The following SH3BP2 variants were observed in gnomAD, a reference collection of about 807,000 sequenced individuals.
SH3BP2 encodes SH3 domain-binding protein 2.
SH3BP2 carries 38 observed loss-of-function variants against 56.2 expected under a neutral mutation model. That is an observed-to-expected ratio of 0.68 (90% CI 0.52 to 0.89). The LOEUF (loss-of-function observed/expected upper bound fraction) is 0.89, where lower values mean the gene tolerates loss of function less well. Ranked by LOEUF, SH3BP2 falls within the 40% of genes least tolerant of loss-of-function variation. SH3BP2 has a pLI of 0.00. For missense variants in SH3BP2, 748 were observed against 762.6 expected (o/e 0.98, Z 0.23); for synonymous variants, 346 against 316.7 (o/e 1.09, Z -0.98).
intron 1 of SH3BP2, among the ~76,000 whole-genome samples, chr4:2,794,494 G>A (rs1489841698): frequency 6.6e-6 from 1 of 152,210 alleles, no homozygotes; most frequent in Non-Finnish European, 1.5e-5. Flanking sequence ...GGGCTGCAAG[G>A]GAGTGAGGAT....
chr4:2,814,246 CCA>C (rs1723892882), intron 1 of SH3BP2, among the ~76,000 whole-genome samples: 1 of 152,228 alleles, frequency 6.6e-6, no homozygotes, highest in Admixed American at 6.5e-5. Flanking sequence ...CAGGCCATGA[CCA>C]CACACGCCAC....
Position 2,836,739 on chromosome 4 carries a change from C to T in SH3BP2, c.*2905C>T, listed in dbSNP as rs758423580. ...ACTGGGGAGTGAAACTGCCCCGCCT[C>T]ACCCTGCGTTGCCCTCTGGGTCTGT... On this transcript the variant is annotated 3_prime_UTR_variant, in exon 13 of 13. Coordinates refer to ENST00000503393, the MANE Select transcript of SH3BP2 (RefSeq NM_001122681.2). The T allele has an allele frequency of 6.6e-6, 1 of 152,278 alleles. No individual in the cohort carries two copies. The highest frequency in any genetic ancestry group is 1.5e-5 in the Non-Finnish European group (1 of 68,074). 9.4% of individuals were successfully genotyped at this position (152,278 alleles called of 1,614,324 possible). A position where few individuals can be genotyped will look rare whatever the true frequency, so the allele number is the denominator to read the frequency against.
At position 2,810,097 on chromosome 4, in the gene SH3BP2, AC is replaced by A. The variant is rs1723684586; in HGVS notation, c.-4-10516del. On this transcript the variant is annotated intron_variant, in intron 1 of 12. Transcript: ENST00000503393. This position sits in a 1 kb window ranked among gnomAD's most constrained non-coding sequence, Gnocchi z 4.2. ...GAATGGCCTGTGTTTAGGAATATGA[AC>A]GGCAGTGTCATATGCCGCAGGGATG... 6.6e-6 allele frequency among the ~76,000 whole-genome samples: 1 copy of A among 152,184 alleles called. No homozygotes were observed. The highest frequency in any genetic ancestry group is 2.4e-5 in the African/African-American group (1 of 41,442).
chr4:2,801,653 G>T lies in SH3BP2; in HGVS notation c.-5+8515G>T, dbSNP rs546292702. ...TGAGTGGCCCCAGGAGGAAGCCAGC[G>T]CAAGGACAAGACCCAGCCTAGACAG... On this transcript the variant is annotated intron_variant, in intron 1 of 12. Transcript: ENST00000503393. Among the ~76,000 whole-genome samples, 3 of 152,138 alleles carry T rather than the reference G, an allele frequency of 2.0e-5. No homozygotes were observed. In the South Asian group the frequency reaches 6.2e-4, roughly 32 times the overall value.
At chr4:2,813,592 G>A (rs1236503311) in intron 1 of SH3BP2, among the ~76,000 whole-genome samples, 4 of 152,240 alleles carry the variant, frequency 2.6e-5, no homozygotes, top group African/African-American at 9.6e-5. Flanking sequence ...GAGTGGTGGT[G>A]ATGATTCTGT....
intron 1 of SH3BP2, among the ~76,000 whole-genome samples, chr4:2,817,636 C>G (rs923101192): frequency 6.6e-6 from 1 of 152,178 alleles, no homozygotes; most frequent in Admixed American, 6.5e-5. Context: ...CTTTGGCCAC[C>G]CCAGGGGACT....
chr4:2,828,716 C>G (rs534174757), intron 7 of SH3BP2, among the ~76,000 whole-genome samples: 1 of 152,348 alleles, frequency 6.6e-6, no homozygotes, highest in Admixed American at 6.5e-5. Context: ...GCTCCACTCA[C>G]CCTCCCTCTG....
At chr4:2,827,374 T>G in intron 6 of SH3BP2, 56 bp downstream of exon 6, 1 of 1,489,992 alleles carries the variant, frequency 6.7e-7, no homozygotes, top group Non-Finnish European at 9.4e-7. Flanking sequence ...TGGCCTCCTC[T>G]TGGCCGCTGT....
intron 3 of SH3BP2, 101 bp downstream of exon 3, chr4:2,823,138 A>G: frequency 1.1e-6 from 1 of 876,674 alleles, no homozygotes; most frequent in Non-Finnish European, 1.9e-6. Flanking sequence ...GCCCAAGGAA[A>G]GTGCTTTCCC....
intron 1 of SH3BP2, among the ~76,000 whole-genome samples, chr4:2,813,747 G>A (rs1723866117): frequency 6.6e-6 from 1 of 152,234 alleles, no homozygotes; most frequent in South Asian, 2.1e-4. Flanking sequence ...ATGGGTGTGA[G>A]TGTGCACGTA....
chr4:2,823,562 A>T, intron 3 of SH3BP2: 1 of 455,804 alleles, frequency 2.2e-6, no homozygotes, highest in Non-Finnish European at 4.4e-6. Flanking sequence ...GGCCTTCTGC[A>T]CTAACAGGCA....
chr4:2,803,389 G>A (rs980874636), intron 1 of SH3BP2, among the ~76,000 whole-genome samples: 2 of 152,222 alleles, frequency 1.3e-5, no homozygotes, highest in African/African-American at 2.4e-5. Flanking sequence ...GCAGGGTGCT[G>A]TCCACTTCCA....
Position 2,829,560 on chromosome 4 carries a change from T to C in SH3BP2, c.654T>C (p.Ser218=), listed in dbSNP as rs1269275616. 2 of 1,613,236 alleles carry C rather than the reference T, an allele frequency of 1.2e-6. No homozygotes were observed. Among genetic ancestry groups the C allele is most frequent in the African/African-American group, 2.7e-5 (2 of 74,824 alleles). The stretch of plus-strand genomic sequence containing the variant: ...CCACGCCCAGGAAGCCAGCCTTCTC[T>C]GACATGCCCCGGGCCCACTCCTTTA... The part of the protein sequence containing the change: ...PVPTPRKPAF[S]DMPRAHSFTS... The change falls in exon 8 of 13, where the codon TCT becomes TCC. Residue 218 remains serine (S), a synonymous_variant. Transcript: ENST00000503393. This position sits in a 1 kb window ranked among gnomAD's most constrained non-coding sequence, Gnocchi z 4.9.
chr4:2,831,483 C>A lies in SH3BP2; in HGVS notation c.1242-88C>A. The A allele has an allele frequency of 3.0e-6, 3 of 991,722 alleles. No homozygotes were observed. Among genetic ancestry groups the A allele is most frequent in the South Asian group, 2.8e-5 (2 of 72,660 alleles). 61.4% of individuals were successfully genotyped at this position (991,722 alleles called of 1,614,324 possible). A position where few individuals can be genotyped will look rare whatever the true frequency, so the allele number is the denominator to read the frequency against. Reference sequence around the variant, plus strand: ...TAGCAGGCAGCTTGCCGTCCTCACACAGAGGGTGGAGTGGGGAGGGGAGCA... The same window carrying A: ...TAGCAGGCAGCTTGCCGTCCTCACAAAGAGGGTGGAGTGGGGAGGGGAGCA... On this transcript the variant is annotated intron_variant, in intron 8 of 12. Coordinates refer to ENST00000503393, the MANE Select transcript of SH3BP2 (RefSeq NM_001122681.2). The surrounding 1 kb of genome is among the most constrained non-coding windows in gnomAD (Gnocchi z 4.1).
Position 2,836,990 on chromosome 4 carries a change from G to A in SH3BP2, c.*3156G>A, listed in dbSNP as rs897417509. On this transcript the variant is annotated 3_prime_UTR_variant, in exon 13 of 13. Coordinates refer to ENST00000503393, the MANE Select transcript of SH3BP2 (RefSeq NM_001122681.2). ...TTCTTCTCTTCCTGTGGTTCCATCC[G>A]AAGGATTGTGGTGAGCCCCGTGCCT... 20 of 152,226 alleles carry A rather than the reference G, an allele frequency of 1.3e-4. No individual in the cohort carries two copies. Among genetic ancestry groups the A allele is most frequent in the African/African-American group, 4.6e-4 (19 of 41,452 alleles). The allele number at this position is 152,226 out of a possible 1,614,324, so 9.4% of individuals were successfully genotyped here. A position where few individuals can be genotyped will look rare whatever the true frequency, so the allele number is the denominator to read the frequency against.
At chr4:2,808,208 C>T (rs1272340707) in intron 1 of SH3BP2, among the ~76,000 whole-genome samples, 1 of 152,212 alleles carries the variant, frequency 6.6e-6, no homozygotes, top group Non-Finnish European at 1.5e-5. Context: ...CCCCTCCCAG[C>T]TTCTGCTGGT....
At position 2,823,055 on chromosome 4, in the gene SH3BP2, C is replaced by T. The variant is rs755662443; in HGVS notation, c.239+18C>T. The T allele has an allele frequency of 1.9e-6, 3 of 1,580,054 alleles. No homozygotes were observed. Among genetic ancestry groups the T allele is most frequent in the Admixed American group, 1.7e-5 (1 of 59,460 alleles). On this transcript the variant is annotated intron_variant, in intron 3 of 12. Transcript: ENST00000503393. ...TATAACCGGTAAGTGCCCGACCTGC[C>T]TGCTGACCTCGGGCCCCCACAGCCA...
chr4:2,806,323 C>T (rs989260865), intron 1 of SH3BP2, among the ~76,000 whole-genome samples: 4 of 151,968 alleles, frequency 2.6e-5, no homozygotes, highest in Admixed American at 6.5e-5. Context: ...CCAGGAGAGG[C>T]GAGGCAGGGT....
intron 1 of SH3BP2, among the ~76,000 whole-genome samples, chr4:2,802,057 A>C (rs1453171359): frequency 6.6e-6 from 1 of 152,036 alleles, no homozygotes; most frequent in Non-Finnish European, 1.5e-5. Flanking sequence ...GGAGTGAGCA[A>C]AGATTGTGCC....
Sources: allele counts gnomAD v4.1 joint callset (sites outside exome capture counted in the v4.1 genomes callset), GRCh38; gene constraint gnomAD v4.1.1; non-coding constraint Gnocchi (gnomAD v3.1); transcripts MANE v1.5; gene names NCBI Gene and HGNC (gene_info 2026-07-23, HGNC 2026-07-21).